LEPR: variants seen among roughly 807,000 people sequenced by gnomAD.
LEPR encodes OB receptor.
A neutral mutation model predicts 114.7 loss-of-function variants in LEPR; 56 were observed. The ratio of observed to expected loss-of-function variants is 0.49; its 90% CI spans 0.39 to 0.61. LEPR has a LOEUF of 0.61. Among genes scored for constraint, LEPR ranks in the 20% least tolerant of loss-of-function variants. The pLI is 0.00. For synonymous variants in LEPR, 443 were observed against 461.4 expected, an observed-to-expected ratio of 0.96 and a Z score of 0.51; for missense variants, 1,202 against 1,352.9, an observed-to-expected ratio of 0.89 and a Z score of 1.75.
chr1:65,489,651 G>T lies in LEPR; in HGVS notation c.-21+64273G>T, dbSNP rs118124796. On this transcript the variant is annotated intron_variant, in intron 2 of 19. Transcript: ENST00000349533. ...TCATTTTTCCATTTTCACTTTGGTT[G>T]CCTGATCTTTTGAGGTATTACTCAA... Among the ~76,000 whole-genome samples the T allele has an allele frequency of 9.9e-5, 15 of 152,140 alleles. 1 individual carries two copies. In the East Asian group the frequency reaches 2.9e-3, roughly 29 times the overall value.
rs1305654565 is a variant in LEPR at position 65,482,153 on chromosome 1, T to A, written c.-21+56775T>A. On this transcript the variant is annotated intron_variant, in intron 2 of 19. Transcript: ENST00000349533. ...ACACACACACACACACACCAGGGAA[T>A]GAGCTGAAAAAATAAAGACCTTAAT... Among the ~76,000 whole-genome samples, 5 of 139,718 alleles carry A rather than the reference T, an allele frequency of 3.6e-5. No individual in the cohort carries two copies. The East Asian group carries it at 9.7e-4, about 27-fold the overall frequency. 91.7% of individuals were successfully genotyped at this position (139,718 alleles called of 152,430 possible). A position where few individuals can be genotyped will look rare whatever the true frequency, so the allele number is the denominator to read the frequency against.
intron 2 of LEPR, among the ~76,000 whole-genome samples, chr1:65,529,114 A>G (rs909267582): frequency 1.3e-5 from 2 of 151,980 alleles, no homozygotes; most frequent in African/African-American, 4.8e-5. Flanking sequence ...TGCCTGGCCC[A>G]AAAAAAGTTT....
intron 2 of LEPR, among the ~76,000 whole-genome samples, chr1:65,518,894 TTTC>T (rs1343750653): frequency 4.7e-5 from 4 of 84,412 alleles, no homozygotes; most frequent in African/African-American, 1.2e-4. Context: ...TCTTTCTTTC[TTTC>T]TTTCTTTCTT....
intron 2 of LEPR, among the ~76,000 whole-genome samples, chr1:65,488,210 TTCTCTCTCTCTCTC>T (rs796597694): frequency 2.9e-3 from 75 of 25,814 alleles, no homozygotes; most frequent in Non-Finnish European, 4.1e-3. Context: ...CTTTCTTTCT[TTCTCTCTCTCTCTC>T]TCTCTTTCTT....
At chr1:65,510,916 C>T (rs1648994627) in intron 2 of LEPR, among the ~76,000 whole-genome samples, 1 of 152,128 alleles carries the variant, frequency 6.6e-6, no homozygotes, top group Non-Finnish European at 1.5e-5. Context: ...TTGAAGTACT[C>T]TGTGAAATTC....
chr1:65,616,034 C>T lies in LEPR; in HGVS notation c.2022C>T (p.Cys674=). The T allele has an allele frequency of 6.2e-7, 1 of 1,614,088 alleles. No individual in the cohort carries two copies. Among genetic ancestry groups the T allele is most frequent in the African/African-American group, 1.3e-5 (1 of 75,024 alleles). The part of the protein sequence containing the change: ...WKPLMKNDSL[C]SVQRYVINHH... ...CCCTGATGAAAAATGACTCATTGTG[C>T]AGTGTTCAGAGATATGTGATAAACC... Residue 674 remains cysteine, a synonymous_variant, in exon 15 of 20, where the codon TGC becomes TGT. Coordinates refer to ENST00000349533, the MANE Select transcript of LEPR (RefSeq NM_002303.6).
chr1:65,606,318 A>T (rs1370070854), intron 11 of LEPR, among the ~76,000 whole-genome samples: 2 of 152,136 alleles, frequency 1.3e-5, no homozygotes, highest in African/African-American at 4.8e-5. Flanking sequence ...ATAATAACAC[A>T]CTCACTTATA....
chr1:65,446,986 C>A (rs905682114), intron 2 of LEPR, among the ~76,000 whole-genome samples: 3 of 152,088 alleles, frequency 2.0e-5, no homozygotes, highest in Non-Finnish European at 4.4e-5. Flanking sequence ...TGCCCACCAC[C>A]ATGCCTGGCT....
intron 19 of LEPR, chr1:65,634,893 C>A (rs776125115): frequency 1.2e-6 from 1 of 827,734 alleles, no homozygotes; most frequent in Non-Finnish European, 1.5e-6. Flanking sequence ...AAAAAACAGG[C>A]ATAGGAACAG....
chr1:65,425,453 C>A (rs571925377), intron 2 of LEPR, 75 bp downstream of exon 2: 18 of 1,314,328 alleles, frequency 1.4e-5, no homozygotes, highest in Non-Finnish European at 3.1e-6. Flanking sequence ...TTAGAGAGTT[C>A]GGTCAATTTA....
At chr1:65,498,603 C>A (rs946147370) in intron 2 of LEPR, among the ~76,000 whole-genome samples, 12 of 152,012 alleles carry the variant, frequency 7.9e-5, no homozygotes, top group Non-Finnish European at 1.5e-4. Context: ...GCCATGGCAA[C>A]AATAAGTGCA....
rs1350796591 is a variant in LEPR at position 65,636,364 on chromosome 1, A to C, written c.2847A>C (p.Glu949Asp). Residue 949 changes from glutamate (E) to aspartate (D), a missense_variant, in exon 20 of 20, where the codon GAA (glutamate) becomes GAC (aspartate). By Grantham distance (45) the Glu-to-Asp change is conservative. Transcript: ENST00000349533. The stretch of plus-strand genomic sequence containing the variant: ...CTCTACTTTCAACAACAGATCTTGA[A>C]AAGGGTTCTGTTTGTATTAGTGACC... ...VVSLLSTTDL[E>D]KGSVCISDQF... 1 of 1,613,996 alleles carries C rather than the reference A, an allele frequency of 6.2e-7. No homozygotes were observed. The highest frequency in any genetic ancestry group is 1.3e-5 in the African/African-American group (1 of 74,934).
intron 2 of LEPR, among the ~76,000 whole-genome samples, chr1:65,428,849 C>T (rs1646430050): frequency 6.6e-6 from 1 of 151,562 alleles, no homozygotes; most frequent in Non-Finnish European, 1.5e-5. Context: ...TTTATAATTG[C>T]AAAATGTTGA....
intron 2 of LEPR, among the ~76,000 whole-genome samples, chr1:65,519,168 C>T (rs1358902800): frequency 6.8e-6 from 1 of 146,476 alleles, no homozygotes; most frequent in Non-Finnish European, 1.5e-5. Flanking sequence ...TTCCTTCCTT[C>T]CTTCCGGGTC....
chr1:65,634,877 A>AG, intron 19 of LEPR: 7 of 857,096 alleles, frequency 8.2e-6, no homozygotes, highest in Non-Finnish European at 9.8e-6. Flanking sequence ...GATTTCTTTC[A>AG]GAAAAAAAAA....
intron 6 of LEPR, 152 bp from the exon 7 acceptor site, chr1:65,596,296 G>T: frequency 1.1e-6 from 1 of 881,616 alleles, no homozygotes; most frequent in East Asian, 2.7e-5. Flanking sequence ...ATTCAAGCTT[G>T]TTTCGGTTCT....
intron 2 of LEPR, among the ~76,000 whole-genome samples, chr1:65,537,855 A>G (rs1480399116): frequency 6.6e-6 from 1 of 152,178 alleles, no homozygotes; most frequent in Admixed American, 6.5e-5. Context: ...GACCCTGTAA[A>G]TGTTGTTTAC....
At chr1:65,521,895 T>G (rs1437122487) in intron 2 of LEPR, among the ~76,000 whole-genome samples, 1 of 151,772 alleles carries the variant, frequency 6.6e-6, no homozygotes, top group Non-Finnish European at 1.5e-5. Context: ...ACGTCAGGAG[T>G]TTGAGACCAG....
In LEPR at chr1:65,557,217, T is replaced by C. The variant is rs1254280009; in HGVS notation, c.-20-8329T>C. 2.0e-5 allele frequency among the ~76,000 whole-genome samples: 3 copies of C among 152,222 alleles called. 1 individual carries two copies. In the East Asian group the frequency reaches 5.8e-4, roughly 29 times the overall value. On this transcript the variant is annotated intron_variant, in intron 2 of 19. Transcript: ENST00000349533. ...GTTAGGATTATTTGTACTCTTCTCC[T>C]AAACTGTTCATTTCATTTTAACTAC...
Sources: gnomAD v4.1 joint callset for allele counts (sites outside exome capture counted in the v4.1 genomes callset) on GRCh38, gnomAD v4.1.1 for gene constraint, MANE v1.5 for transcripts, NCBI Gene and HGNC (gene_info 2026-07-23, HGNC 2026-07-21) for gene names.